The following CNTN6 variants were observed in gnomAD, a reference collection of about 807,000 sequenced individuals.
The protein encoded by CNTN6 is contactin 6.
In CNTN6, 137 loss-of-function variants were observed where a neutral mutation model predicts 122.8. The ratio of observed to expected loss-of-function variants is 1.12; its 90% CI spans 0.97 to 1.29. The LOEUF (loss-of-function observed/expected upper bound fraction) is 1.29, where lower values mean the gene tolerates loss of function less well. Ranked by LOEUF, CNTN6 falls within the 50% of genes most tolerant of loss-of-function variation. The pLI, the probability that CNTN6 is intolerant of heterozygous loss-of-function variation, is 0.00. For synonymous variants in CNTN6, 570 were observed against 426.0 expected (o/e 1.34, Z -4.16); for missense variants, 1,634 against 1,223.4 (o/e 1.34, Z -5.01).
intron 7 of CNTN6, among the ~76,000 whole-genome samples, chr3:1,300,468 GAA>G (rs1697036860): frequency 5.6e-4 from 70 of 124,558 alleles, no homozygotes; most frequent in African/African-American, 3.5e-3. Flanking sequence ...AGGAAGGAAG[GAA>G]GGAAGGAAGG....
At chr3:1,264,509 T>G (rs571525656) in intron 4 of CNTN6, among the ~76,000 whole-genome samples, 2 of 152,328 alleles carry the variant, frequency 1.3e-5, no homozygotes, top group African/African-American at 4.8e-5. Flanking sequence ...AGTTCCAGTT[T>G]CAGCTTTGAC....
chr3:1,146,507 T>C (rs1459168307), intron 1 of CNTN6, among the ~76,000 whole-genome samples: 1 of 152,158 alleles, frequency 6.6e-6, no homozygotes, highest in African/African-American at 2.4e-5. Flanking sequence ...AGCTAAAAAA[T>C]GCTAACTGAA....
At chr3:1,187,105 C>A (rs2093638777) in intron 2 of CNTN6, among the ~76,000 whole-genome samples, 1 of 152,068 alleles carries the variant, frequency 6.6e-6, no homozygotes, top group South Asian at 2.1e-4. Flanking sequence ...TGCGAAAAGC[C>A]TTTGTTGTTG....
chr3:1,215,403 G>A (rs2094116443), intron 2 of CNTN6, among the ~76,000 whole-genome samples: 1 of 152,142 alleles, frequency 6.6e-6, no homozygotes, highest in South Asian at 2.1e-4. Context: ...TAGCAGTAAT[G>A]TGACTTTCAG....
At chr3:1,262,769 G>A (rs1441341625) in intron 4 of CNTN6, among the ~76,000 whole-genome samples, 1 of 151,860 alleles carries the variant, frequency 6.6e-6, no homozygotes, top group Non-Finnish European at 1.5e-5. Context: ...GAACATTTCT[G>A]GGATTTAGCA....
Position 1,350,678 on chromosome 3 carries a change from T to C in CNTN6, c.1365-1646T>C. Among the ~76,000 whole-genome samples the C allele has an allele frequency of 2.6e-5, 4 of 151,986 alleles. No homozygotes were observed. In the South Asian group the frequency reaches 8.3e-4, roughly 31 times the overall value. ...GTTATGTGAAAAATTATATGAAATA[T>C]AGACATTGGCATTGACTTAGTGGCT... is the stretch of plus-strand genomic sequence containing the variant. On this transcript the variant is annotated intron_variant, in intron 11 of 22. Transcript: ENST00000446702.
At chr3:1,245,275 ACAC>A (rs1331359411) in intron 4 of CNTN6, among the ~76,000 whole-genome samples, 78 of 4,586 alleles carry the variant, frequency 0.017, 18 homozygotes, top group African/African-American at 0.072. Context: ...ATATATATAT[ACAC>A]ACACATATAT....
chr3:1,257,423 C>G (rs1190934031), intron 4 of CNTN6, among the ~76,000 whole-genome samples: 2 of 151,778 alleles, frequency 1.3e-5, no homozygotes, highest in African/African-American at 2.4e-5. Context: ...TTATTTAAGC[C>G]CTATGATTGT....
intron 2 of CNTN6, among the ~76,000 whole-genome samples, chr3:1,154,423 A>G (rs2092914796): frequency 6.8e-6 from 1 of 146,246 alleles, no homozygotes; most frequent in Non-Finnish European, 1.5e-5. Context: ...GGAAGGATTC[A>G]TAATATTTTT....
intron 4 of CNTN6, among the ~76,000 whole-genome samples, chr3:1,244,443 ACTT>A (rs2094531199): frequency 7.6e-6 from 1 of 131,096 alleles, no homozygotes; most frequent in Admixed American, 7.6e-5. Flanking sequence ...GTTGAGGGGT[ACTT>A]GGCCCTGCCC....
intron 4 of CNTN6, among the ~76,000 whole-genome samples, chr3:1,267,102 T>C (rs1345147924): frequency 1.3e-5 from 2 of 151,858 alleles, no homozygotes; most frequent in South Asian, 4.2e-4. Context: ...TAGCCTGAAC[T>C]TTCTTGTTAC....
chr3:1,324,583 C>T (rs1187499592), intron 8 of CNTN6, among the ~76,000 whole-genome samples: 1 of 149,714 alleles, frequency 6.7e-6, no homozygotes, highest in Non-Finnish European at 1.5e-5. Flanking sequence ...TGGATGGGAA[C>T]TAAATGATCC....
rs1164650107 is a variant in CNTN6, at chr3:1,233,602, G to GC, written c.358+5609_358+5610insC. Among the ~76,000 whole-genome samples, 318 of 151,812 alleles carry GC rather than the reference G, an allele frequency of 2.1e-3. 3 individuals carry two copies. Among genetic ancestry groups the GC allele is most frequent in the African/African-American group, 5.0e-3 (205 of 41,398 alleles). On this transcript the variant is annotated intron_variant, in intron 4 of 22. Coordinates refer to ENST00000446702, the MANE Select transcript of CNTN6 (RefSeq NM_001289080.2). ...TACAAAAAATTAGCCGGGTGTGGTG[G>GC]TGTGCACCTGTAATCCCAGCTACTC...
chr3:1,245,323 T>C (rs1211660094), intron 4 of CNTN6, among the ~76,000 whole-genome samples: 1 of 49,090 alleles, frequency 2.0e-5, no homozygotes, highest in African/African-American at 9.8e-5. Flanking sequence ...TATATATATA[T>C]ATATATATAT....
At chr3:1,340,968 T>C (rs1703798539) in intron 11 of CNTN6, among the ~76,000 whole-genome samples, 1 of 152,170 alleles carries the variant, frequency 6.6e-6, no homozygotes, top group African/African-American at 2.4e-5. Context: ...GAATCTCATC[T>C]GTCTATCCCA....
chr3:1,154,748 T>C (rs2092925898), intron 2 of CNTN6, among the ~76,000 whole-genome samples: 1 of 152,154 alleles, frequency 6.6e-6, no homozygotes, highest in Non-Finnish European at 1.5e-5. Flanking sequence ...CGGCCCAGGA[T>C]TGATAACATT....
At chr3:1,300,471 GGAA>G (rs1640891447) in intron 7 of CNTN6, among the ~76,000 whole-genome samples, 8 of 135,934 alleles carry the variant, frequency 5.9e-5, no homozygotes, top group African/African-American at 2.6e-4. Flanking sequence ...AAGGAAGGAA[GGAA>G]GGAAGGAAGG....
intron 14 of CNTN6, 92 bp downstream of exon 14, chr3:1,373,047 GT>G: frequency 1.4e-6 from 1 of 722,226 alleles, no homozygotes; most frequent in Non-Finnish European, 2.3e-6. Flanking sequence ...ACCACACCAT[GT>G]TATGGAAGTG....
At chr3:1,173,953 G>C (rs1048316058) in intron 2 of CNTN6, among the ~76,000 whole-genome samples, 2 of 151,938 alleles carry the variant, frequency 1.3e-5, no homozygotes, top group Non-Finnish European at 2.9e-5. Context: ...CCAATACACT[G>C]TGATTTTCTG....
Sources: allele counts gnomAD v4.1 joint callset (sites outside exome capture counted in the v4.1 genomes callset), GRCh38; gene constraint gnomAD v4.1.1; transcripts MANE v1.5; gene names NCBI Gene and HGNC (gene_info 2026-07-23, HGNC 2026-07-21).